The following LHPP variants were observed in gnomAD, a reference collection of about 807,000 sequenced individuals.
LHPP encodes phospholysine phosphohistidine inorganic pyrophosphate phosphatase.
In LHPP, 24 loss-of-function variants were observed where a neutral mutation model predicts 30.3. That is an observed-to-expected ratio of 0.79 (90% CI 0.57 to 1.11). The LOEUF (loss-of-function observed/expected upper bound fraction) is 1.11. LHPP is among the 50% of genes most tolerant of loss of function. LHPP has a pLI of 0.00. For synonymous variants in LHPP, 150 were observed against 157.1 expected (o/e 0.95, Z 0.34); for missense variants, 356 against 367.2 (o/e 0.97, Z 0.25).
In LHPP at chr10:124,510,419, G is replaced by A. The variant is rs1288324494; in HGVS notation, c.625-6761G>A. Among the ~76,000 whole-genome samples the A allele has an allele frequency of 6.6e-6, 1 of 152,046 alleles. No individual in the cohort carries two copies. The highest frequency in any genetic ancestry group is 1.5e-5 in the Non-Finnish European group (1 of 67,988). ...GCCGGCCCTGGCGTCCCGGCCCCCA[G>A]CCTCCGCCTCCCTCGCCGACAGCTT... On this transcript the variant is annotated intron_variant, in intron 5 of 6. Transcript: ENST00000368842. The surrounding 1 kb of genome is among the most constrained non-coding windows in gnomAD (Gnocchi z 4.0).
At chr10:124,595,767 C>G (rs34496154) in intron 6 of LHPP, among the ~76,000 whole-genome samples, 37 of 152,192 alleles carry the variant, frequency 2.4e-4, no homozygotes, top group Admixed American at 2.2e-3. Context: ...GTGTGCCCTT[C>G]TAGGCTATCT....
chr10:124,494,471 G>A (rs929794955), intron 3 of LHPP, among the ~76,000 whole-genome samples: 5 of 152,236 alleles, frequency 3.3e-5, no homozygotes, highest in African/African-American at 9.6e-5. Flanking sequence ...TCTTTCCTCC[G>A]TCCTGGCTTA....
intron 1 of LHPP, among the ~76,000 whole-genome samples, chr10:124,462,297 C>T (rs1178489226): frequency 6.6e-6 from 1 of 152,098 alleles, no homozygotes; most frequent in Non-Finnish European, 1.5e-5. Flanking sequence ...AAATGCATAC[C>T]GATTAACAAG....
intron 6 of LHPP, 94 bp from the exon 7 acceptor site, chr10:124,613,170 T>A: frequency 1.0e-6 from 1 of 1,000,272 alleles, no homozygotes; most frequent in Admixed American, 1.7e-5. Context: ...TTCCTCAAGC[T>A]AAGGCCAGGC....
intron 2 of LHPP, among the ~76,000 whole-genome samples, chr10:124,488,056 C>T (rs1378670212): frequency 6.6e-6 from 1 of 152,178 alleles, no homozygotes; most frequent in African/African-American, 2.4e-5. Flanking sequence ...TGTGCAGCCC[C>T]ATTTCCTCCT....
rs372808312 is a variant in LHPP at position 124,498,066 on chromosome 10, G to A, written c.562G>A (p.Gly188Arg). The A allele has an allele frequency of 1.2e-6, 2 of 1,614,148 alleles. No homozygotes were observed. Among genetic ancestry groups the A allele is most frequent in the Non-Finnish European group, 1.7e-6 (2 of 1,180,010 alleles). Residue 188 changes from glycine to arginine, a missense_variant, in exon 5 of 7, where the codon GGG becomes AGG. Transcript: ENST00000368842. ...CTGTGGCATCAAAGCCGAGGTGGTGGGGAAGCCTTCTCCTGAGTTTTTCAA... is the reference window on the plus strand; with the variant it reads ...CTGTGGCATCAAAGCCGAGGTGGTGAGGAAGCCTTCTCCTGAGTTTTTCAA... The part of the protein sequence containing the change: ...YACGIKAEVV[G>R]KPSPEFFKSA...
intron 6 of LHPP, among the ~76,000 whole-genome samples, chr10:124,607,735 A>T (rs1196732557): frequency 1.3e-5 from 2 of 152,144 alleles, no homozygotes; most frequent in Non-Finnish European, 2.9e-5. Flanking sequence ...TGCTGGAAGA[A>T]TTTTTGTTCC....
At chr10:124,601,496 G>A (rs1455084433) in intron 6 of LHPP, among the ~76,000 whole-genome samples, 3 of 152,212 alleles carry the variant, frequency 2.0e-5, no homozygotes, top group East Asian at 3.9e-4. Flanking sequence ...CATTTGCCAC[G>A]TGAGGGAGTC....
Position 124,528,473 on chromosome 10 carries a change from C to T in LHPP, c.716+11202C>T, listed in dbSNP as rs533926080. Among the ~76,000 whole-genome samples, 70 of 152,322 alleles carry T rather than the reference C, an allele frequency of 4.6e-4. 2 individuals are homozygous for T. The South Asian group carries it at 0.014, about 30-fold the overall frequency. ...TCCCGGGTTCAAGGGATTCTCCTGC[C>T]TCAGCCTTCCAAGTAGCTGGGAATA... On this transcript the variant is annotated intron_variant, in intron 6 of 6. Transcript: ENST00000368842.
intron 6 of LHPP, chr10:124,526,305 C>G: frequency 2.2e-6 from 2 of 904,256 alleles, no homozygotes; most frequent in Non-Finnish European, 2.6e-6. Flanking sequence ...CTTACACACA[C>G]TCAGCCTCAG....
intron 6 of LHPP, among the ~76,000 whole-genome samples, chr10:124,591,359 AC>A (rs1948880553): frequency 6.7e-6 from 1 of 149,786 alleles, no homozygotes. Context: ...AGTCCATACC[AC>A]CTCCAACCCC....
At chr10:124,534,226 C>T (rs1954965577) in intron 6 of LHPP, among the ~76,000 whole-genome samples, 1 of 152,384 alleles carries the variant, frequency 6.6e-6, no homozygotes, top group Non-Finnish European at 1.5e-5. Context: ...CTTGGCGGCC[C>T]ATGCCGGGAA....
intron 6 of LHPP, among the ~76,000 whole-genome samples, chr10:124,544,907 A>G (rs1489494664): frequency 6.6e-6 from 1 of 152,184 alleles, no homozygotes; most frequent in Non-Finnish European, 1.5e-5. Flanking sequence ...GCGAGTGCAT[A>G]TGTGCGCAGG....
In LHPP at chr10:124,493,120, G is replaced by GAA. The variant is rs11447660; in HGVS notation, c.468-3831_468-3830dup. On this transcript the variant is annotated intron_variant, in intron 3 of 6. Coordinates refer to ENST00000368842, the MANE Select transcript of LHPP (RefSeq NM_022126.4). ...TCAGAACAGGTATATTGTTGAAAAAGAAAAAAAAAAACCGGAAGCAGTCGC... is the reference window on the plus strand; with the variant it reads ...TCAGAACAGGTATATTGTTGAAAAAGAAAAAAAAAAAAACCGGAAGCAGTCGC... 1.8e-3 allele frequency among the ~76,000 whole-genome samples: 269 copies of GAA among 148,520 alleles called. 1 individual carries two copies. Among genetic ancestry groups the GAA allele is most frequent in the Middle Eastern group, 6.9e-3 (2 of 288 alleles).
At chr10:124,486,628 T>C (rs927350864) in intron 2 of LHPP, among the ~76,000 whole-genome samples, 10 of 152,246 alleles carry the variant, frequency 6.6e-5, no homozygotes, top group African/African-American at 2.4e-4. Flanking sequence ...ATGGGAAGCA[T>C]TGGCCACCAG....
In LHPP at chr10:124,523,750, A is replaced by G. The variant is rs1235941577; in HGVS notation, c.716+6479A>G. On this transcript the variant is annotated intron_variant, in intron 6 of 6. Transcript: ENST00000368842. This position sits in a 1 kb window ranked among gnomAD's most constrained non-coding sequence, Gnocchi z 4.2. The stretch of plus-strand genomic sequence containing the variant: ...CAGACCAGCCAGGGCAATCCGAGCC[A>G]GCCCCGGTGGAGAGAAAGGGCCAGT... Among the ~76,000 whole-genome samples, 1 of 152,210 alleles carries G rather than the reference A, an allele frequency of 6.6e-6. No homozygotes were observed. Among genetic ancestry groups the G allele is most frequent in the Non-Finnish European group, 1.5e-5 (1 of 68,044 alleles).
intron 6 of LHPP, among the ~76,000 whole-genome samples, chr10:124,589,530 T>C (rs12359823): frequency 0.27 from 40,322 of 152,100 alleles, 5,451 homozygotes; most frequent in East Asian, 0.35. Context: ...GAGGTGGCCA[T>C]GGGGCTCAGC....
chr10:124,493,404 A>C (rs1277282009), intron 3 of LHPP, among the ~76,000 whole-genome samples: 1 of 152,184 alleles, frequency 6.6e-6, no homozygotes, highest in African/African-American at 2.4e-5. Flanking sequence ...GCACAGGCTG[A>C]GCGGTGCCCA....
intron 6 of LHPP, among the ~76,000 whole-genome samples, chr10:124,566,455 G>C (rs990097149): frequency 3.3e-5 from 5 of 152,356 alleles, no homozygotes; most frequent in Middle Eastern, 3.4e-3. Context: ...AGCAACTTGT[G>C]GGTGCCTGTG....
Sources: gnomAD v4.1 joint callset for allele counts (sites outside exome capture counted in the v4.1 genomes callset) on GRCh38, gnomAD v4.1.1 for gene constraint, Gnocchi (gnomAD v3.1) non-coding constraint, MANE v1.5 for transcripts, NCBI Gene and HGNC (gene_info 2026-07-23, HGNC 2026-07-21) for gene names.